The following IPO11 variants were observed in gnomAD, a reference collection of about 807,000 sequenced individuals.
IPO11 encodes the protein importin 11.
IPO11 carries 66 observed loss-of-function variants against 143.2 expected under a neutral mutation model. The ratio of observed to expected loss-of-function variants is 0.46; its 90% CI spans 0.38 to 0.57. The LOEUF is 0.57. IPO11 is among the 20% of genes least tolerant of loss of function. The probability of loss-of-function intolerance (pLI) is 0.00; values close to 1 mark genes in which losing one functional copy is unlikely to be tolerated. For synonymous variants in IPO11, 385 were observed against 377.8 expected, an observed-to-expected ratio of 1.02 and a Z score of -0.22; for missense variants, 1,026 against 1,141.0, an observed-to-expected ratio of 0.90 and a Z score of 1.45.
intron 19 of IPO11, among the ~76,000 whole-genome samples, chr5:62,513,186 C>A (rs1416029177): frequency 6.6e-6 from 1 of 151,742 alleles, no homozygotes; most frequent in African/African-American, 2.4e-5. Flanking sequence ...CCTCAGCTCC[C>A]GGACCGGGTG....
intron 19 of IPO11, among the ~76,000 whole-genome samples, chr5:62,510,391 GC>G (rs1741704901): frequency 6.6e-6 from 1 of 151,920 alleles, no homozygotes; most frequent in African/African-American, 2.4e-5. Context: ...TACCACATTT[GC>G]TTTCTTTTTA....
At chr5:62,419,161 TAGAA>T (rs1340806028) in intron 1 of IPO11, 5 of 1,540,734 alleles carry the variant, frequency 3.2e-6, no homozygotes, top group South Asian at 1.2e-5. Context: ...TGTCTAAACT[TAGAA>T]AGGTACTGTA....
chr5:62,516,024 G>C (rs977874030), intron 20 of IPO11, among the ~76,000 whole-genome samples: 1 of 152,152 alleles, frequency 6.6e-6, no homozygotes, highest in African/African-American at 2.4e-5. Flanking sequence ...TATTTGAACT[G>C]TTACAGTGAA....
At position 62,494,017 on chromosome 5, in the gene IPO11, A is replaced by C. The variant is rs140537211; in HGVS notation, c.1483A>C (p.Arg495=). Residue 495 remains arginine (R), a synonymous_variant, in exon 16 of 30, where the codon AGG becomes CGG. Coordinates refer to ENST00000325324, the MANE Select transcript of IPO11 (RefSeq NM_016338.5). ...GTTTAGGTATAAGCCATTGCGACGC[A>C]GGGTGATTTGGCTCATCGGTCAGTG... ...IHNRYKPLRR[R]VIWLIGQWIS... 1,703 of 1,612,786 alleles carry C rather than the reference A, an allele frequency of 1.1e-3. 22 individuals carry two copies. The South Asian group carries it at 0.012, about 12-fold the overall frequency.
At position 62,418,461 on chromosome 5, in the gene IPO11, T is replaced by C. The variant is rs577623167; in HGVS notation, c.-7+5532T>C. ...AGCCACTGCACCCAGCCAACACATA[T>C]CATATAGTTTAAAATGTAAGTGTTT... On this transcript the variant is annotated intron_variant, in intron 1 of 29. Transcript: ENST00000325324. 3.3e-5 allele frequency among the ~76,000 whole-genome samples: 5 copies of C among 152,292 alleles called. No homozygotes were observed. In the East Asian group the frequency reaches 7.7e-4, roughly 23 times the overall value.
chr5:62,568,578 A>AAAAAAG (rs1347227883), intron 27 of IPO11, among the ~76,000 whole-genome samples: 1 of 149,834 alleles, frequency 6.7e-6, no homozygotes. Context: ...TGTCTCCAAA[A>AAAAAAG]AAAAAAAAAA....
chr5:62,419,947 A>G (rs1743440677), intron 1 of IPO11, among the ~76,000 whole-genome samples: 2 of 152,078 alleles, frequency 1.3e-5, no homozygotes, highest in Admixed American at 1.3e-4. Context: ...GTTGTAGTGA[A>G]TTATGATGCC....
rs554215082 is a variant in IPO11 at position 62,491,720 on chromosome 5, C to T, written c.1463+1500C>T. ...TTGCTCTGTTGCCCAGGCTGTAGTG[C>T]AGTGGCGCGATCTCGACTCACTGCA... is the stretch of plus-strand genomic sequence containing the variant. On this transcript the variant is annotated intron_variant, in intron 15 of 29. Transcript: ENST00000325324. Among the ~76,000 whole-genome samples, 119 of 145,688 alleles carry T rather than the reference C, an allele frequency of 8.2e-4. 1 individual carries two copies. The highest frequency in any genetic ancestry group is 2.4e-3 in the African/African-American group (93 of 39,154).
At chr5:62,578,952 A>C (rs1448167553) in intron 27 of IPO11, 1 of 247,900 alleles carries the variant, frequency 4.0e-6, no homozygotes, top group Non-Finnish European at 8.1e-6. Flanking sequence ...TTATTTACTT[A>C]AATATGAACT....
intron 29 of IPO11, among the ~76,000 whole-genome samples, chr5:62,625,458 A>T (rs1746532115): frequency 6.6e-6 from 1 of 152,196 alleles, no homozygotes; most frequent in South Asian, 2.1e-4. Context: ...CTGGCTATTA[A>T]CACTTCATTT....
At chr5:62,597,448 A>G (rs557520352) in intron 28 of IPO11, among the ~76,000 whole-genome samples, 21 of 152,330 alleles carry the variant, frequency 1.4e-4, no homozygotes, top group African/African-American at 4.6e-4. Context: ...GTCAGATAAT[A>G]TTTATGAGCA....
At chr5:62,517,217 A>T (rs1314417473) in intron 20 of IPO11, among the ~76,000 whole-genome samples, 2 of 152,012 alleles carry the variant, frequency 1.3e-5, no homozygotes, top group African/African-American at 4.8e-5. Context: ...AAAAAAAAAT[A>T]AGTGGCCCAG....
At chr5:62,555,020 A>C (rs2112355574) in intron 26 of IPO11, among the ~76,000 whole-genome samples, 1 of 152,210 alleles carries the variant, frequency 6.6e-6, no homozygotes, top group African/African-American at 2.4e-5. Context: ...CAGCTTATGT[A>C]ATATATTTTG....
At chr5:62,586,766 A>AT (rs1474461126) in intron 27 of IPO11, among the ~76,000 whole-genome samples, 167 of 76,094 alleles carry the variant, frequency 2.2e-3, no homozygotes, top group South Asian at 4.5e-3. Flanking sequence ...AAAAAAAAAA[A>AT]AAATATATAT....
rs115277896 is a variant in IPO11 at position 62,452,499 on chromosome 5, A to G, written c.516+566A>G. ...TGATAGGTCTCTTGAATGAAGCTGTAGTAAAGGGAACAATTAGGTGGGCAT... is the reference window on the plus strand; with the variant it reads ...TGATAGGTCTCTTGAATGAAGCTGTGGTAAAGGGAACAATTAGGTGGGCAT... On this transcript the variant is annotated intron_variant, in intron 5 of 29. Transcript: ENST00000325324. 9.7e-3 allele frequency among the ~76,000 whole-genome samples: 1,459 copies of G among 151,102 alleles called. 107 individuals carry two copies. Among genetic ancestry groups the G allele is most frequent in the African/African-American group, 0.034 (1,379 of 40,404 alleles).
At chr5:62,488,740 C>G (rs1016582643) in intron 13 of IPO11, among the ~76,000 whole-genome samples, 1 of 152,106 alleles carries the variant, frequency 6.6e-6, no homozygotes, top group Non-Finnish European at 1.5e-5. Context: ...TGGTGACTCA[C>G]GCCTGTAATT....
intron 19 of IPO11, among the ~76,000 whole-genome samples, chr5:62,514,617 G>A: frequency 6.6e-6 from 1 of 150,806 alleles, no homozygotes; most frequent in Non-Finnish European, 1.5e-5. Context: ...AGAGGGAGAG[G>A]GAGAGGGAGA....
intron 2 of IPO11, among the ~76,000 whole-genome samples, chr5:62,439,286 T>G (rs868749608): frequency 2.4e-5 from 2 of 82,680 alleles, no homozygotes; most frequent in Non-Finnish European, 6.4e-5. Flanking sequence ...CTGCGTAGGT[T>G]TTTTTTTTTT....
intron 29 of IPO11, among the ~76,000 whole-genome samples, chr5:62,622,808 T>C (rs1163720935): frequency 6.6e-6 from 1 of 152,252 alleles, no homozygotes; most frequent in African/African-American, 2.4e-5. Flanking sequence ...CTGAGACATG[T>C]ATGTATATAC....
Sources: allele counts gnomAD v4.1 joint callset (sites outside exome capture counted in the v4.1 genomes callset), GRCh38; gene constraint gnomAD v4.1.1; transcripts MANE v1.5; gene names NCBI Gene and HGNC (gene_info 2026-07-23, HGNC 2026-07-21).